The following CLVS1 variants were observed in gnomAD, a reference collection of about 807,000 sequenced individuals.
CLVS1 encodes clavesin 1, also known as clavesin-1.
In CLVS1, 10 loss-of-function variants were observed where a neutral mutation model predicts 33.1. The observed-to-expected ratio is 0.30, with a 90% CI of 0.19 to 0.51. The LOEUF is 0.51. Among genes scored for constraint, CLVS1 ranks in the 20% least tolerant of loss-of-function variants. The probability of loss-of-function intolerance (pLI) is 0.97; values close to 1 mark genes in which losing one functional copy is unlikely to be tolerated. For missense variants in CLVS1, 343 were observed against 433.4 expected, an observed-to-expected ratio of 0.79 and a Z score of 1.85; for synonymous variants, 163 against 166.1, an observed-to-expected ratio of 0.98 and a Z score of 0.14.
intron 2 of CLVS1, among the ~76,000 whole-genome samples, chr8:61,244,112 C>A (rs759935240): frequency 1.3e-5 from 2 of 152,038 alleles, no homozygotes; most frequent in Admixed American, 1.3e-4. Context: ...CAAATGACTG[C>A]TTGTTTTAGC....
chr8:61,445,298 A>G (rs1436116947), intron 3 of CLVS1, among the ~76,000 whole-genome samples: 1 of 152,208 alleles, frequency 6.6e-6, no homozygotes, highest in Non-Finnish European at 1.5e-5. Flanking sequence ...AAGGATTGAT[A>G]TAATTTGGAT....
intron 2 of CLVS1, among the ~76,000 whole-genome samples, chr8:61,138,157 G>A (rs555625677): frequency 2.6e-5 from 4 of 152,260 alleles, no homozygotes; most frequent in East Asian, 1.9e-4. Context: ...GAGTGTGCCC[G>A]TCAGGAAAGG....
At chr8:61,421,533 A>G (rs895222693) in intron 3 of CLVS1, among the ~76,000 whole-genome samples, 2 of 152,144 alleles carry the variant, frequency 1.3e-5, no homozygotes, top group African/African-American at 4.8e-5. Context: ...GGTTGTTTCC[A>G]ATCTAAGCTA....
At chr8:61,075,978 C>T (rs899650925) in intron 1 of CLVS1, among the ~76,000 whole-genome samples, 1 of 152,204 alleles carries the variant, frequency 6.6e-6, no homozygotes, top group Admixed American at 6.5e-5. Flanking sequence ...CCTGCCTTTA[C>T]TGAGTTTAAA....
chr8:61,377,639 A>G (rs559986394), intron 3 of CLVS1: 30 of 152,338 alleles, frequency 2.0e-4, no homozygotes, highest in African/African-American at 6.5e-4. Flanking sequence ...AAAGTGCAAG[A>G]CTAGGACCCA....
At chr8:60,987,869 A>G in the CLVS1 span, among the ~76,000 whole-genome samples, 1 of 152,174 alleles carries the variant, frequency 6.6e-6, no homozygotes, top group Non-Finnish European at 1.5e-5. Context: ...GTTCAAGACT[A>G]CAGTGAACCA....
chr8:61,167,036 T>C (rs1227529042), intron 2 of CLVS1, among the ~76,000 whole-genome samples: 1 of 151,526 alleles, frequency 6.6e-6, no homozygotes, highest in Non-Finnish European at 1.5e-5. Context: ...CTTCCTTTCT[T>C]GATGGCATAA....
chr8:61,341,184 A>G (rs1020707890), intron 2 of CLVS1, among the ~76,000 whole-genome samples: 5 of 152,228 alleles, frequency 3.3e-5, no homozygotes, highest in African/African-American at 1.2e-4. Flanking sequence ...AGTGTTTGTC[A>G]TTTCCAGCCA....
At chr8:61,135,507 G>A (rs1304259213) in intron 2 of CLVS1, among the ~76,000 whole-genome samples, 1 of 152,172 alleles carries the variant, frequency 6.6e-6, no homozygotes, top group East Asian at 1.9e-4. Flanking sequence ...TTACACCCAA[G>A]TGAAGAAGGT....
rs902718717 is a variant in CLVS1 at position 61,440,898 on chromosome 8, C to A, written c.631-13243C>A. 4.6e-5 allele frequency among the ~76,000 whole-genome samples: 7 copies of A among 152,266 alleles called. No individual in the cohort carries two copies. In the South Asian group the frequency reaches 1.4e-3, roughly 32 times the overall value. ...AAGATACGGAGTGGTTGCCCAGTTT[C>A]TTTTCTAATGAGTGCATTCTCTTCT... On this transcript the variant is annotated intron_variant, in intron 3 of 5. Coordinates refer to ENST00000325897, the MANE Select transcript of CLVS1 (RefSeq NM_173519.3).
intron 2 of CLVS1, among the ~76,000 whole-genome samples, chr8:61,193,660 A>G (rs13253284): frequency 0.35 from 53,005 of 151,516 alleles, 11,586 homozygotes; most frequent in Middle Eastern, 0.57. Context: ...GTTTTCTACA[A>G]AACTATCAAG....
chr8:61,268,091 G>C (rs974494823), intron 2 of CLVS1, among the ~76,000 whole-genome samples: 1 of 151,556 alleles, frequency 6.6e-6, no homozygotes, highest in Admixed American at 6.6e-5. Context: ...ATGTATACAT[G>C]TGCCATGCTG....
chr8:60,993,526 T>A, the CLVS1 span, among the ~76,000 whole-genome samples: 1 of 152,308 alleles, frequency 6.6e-6, no homozygotes, highest in Non-Finnish European at 1.5e-5. Flanking sequence ...ATAACAACCA[T>A]CCTGAGCCCA....
intron 2 of CLVS1, among the ~76,000 whole-genome samples, chr8:61,273,045 G>A (rs1156546048): frequency 9.3e-5 from 14 of 151,146 alleles, no homozygotes; most frequent in African/African-American, 2.0e-4. Context: ...GAGGAACTGC[G>A]TTCCTTTGGA....
At chr8:61,477,590 G>A (rs1309154578) in intron 5 of CLVS1, among the ~76,000 whole-genome samples, 6 of 152,178 alleles carry the variant, frequency 3.9e-5, no homozygotes, top group African/African-American at 1.2e-4. Flanking sequence ...TTGCATAGAG[G>A]TGTTTATAGT....
intron 3 of CLVS1, among the ~76,000 whole-genome samples, chr8:61,421,205 C>T (rs1337733629): frequency 1.3e-5 from 2 of 152,110 alleles, no homozygotes; most frequent in Non-Finnish European, 2.9e-5. Context: ...AGTACTCCAG[C>T]TGGATGCCAC....
At chr8:61,149,939 G>C (rs910027433) in intron 2 of CLVS1, among the ~76,000 whole-genome samples, 1 of 152,148 alleles carries the variant, frequency 6.6e-6, no homozygotes, top group African/African-American at 2.4e-5. Flanking sequence ...AAGCCATGTG[G>C]ATTCTGCTTA....
intron 2 of CLVS1, among the ~76,000 whole-genome samples, chr8:61,247,540 C>A (rs1808841560): frequency 6.6e-6 from 1 of 152,164 alleles, no homozygotes; most frequent in Admixed American, 6.5e-5. Flanking sequence ...TTGCATTTCT[C>A]TAATGATCAG....
chr8:61,364,472 C>A (rs1280544268), intron 2 of CLVS1, among the ~76,000 whole-genome samples: 1 of 152,222 alleles, frequency 6.6e-6, no homozygotes, highest in Non-Finnish European at 1.5e-5. Context: ...AATGTATTAC[C>A]TATAAAGATA....
Sources: allele counts gnomAD v4.1 joint callset (sites outside exome capture counted in the v4.1 genomes callset), GRCh38; gene constraint gnomAD v4.1.1; transcripts MANE v1.5; gene names NCBI Gene and HGNC (gene_info 2026-07-23, HGNC 2026-07-21).